DPP6: variants seen among roughly 807,000 people sequenced by gnomAD.
The protein encoded by DPP6 is A-type potassium channel modulatory protein DPP6.
A neutral mutation model predicts 122.6 loss-of-function variants in DPP6; 69 were observed. The observed-to-expected ratio is 0.56, with a 90% confidence interval of 0.46 to 0.69. The LOEUF is 0.69. Among genes scored for constraint, DPP6 ranks in the 30% least tolerant of loss-of-function variants. The pLI, the probability that DPP6 is intolerant of heterozygous loss-of-function variation, is 0.00. For missense variants in DPP6, 928 were observed against 1,116.9 expected (o/e 0.83, Z 2.41); for synonymous variants, 418 against 433.1 (o/e 0.97, Z 0.43).
intron 1 of DPP6, among the ~76,000 whole-genome samples, chr7:154,206,646 A>G (rs955616903): frequency 1.2e-4 from 18 of 152,162 alleles, no homozygotes; most frequent in African/African-American, 3.6e-4. Context: ...CGCTTTCTCA[A>G]TGCATTCTCT....
At chr7:154,416,148 G>A (rs945216364) in intron 1 of DPP6, among the ~76,000 whole-genome samples, 1 of 152,090 alleles carries the variant, frequency 6.6e-6, no homozygotes, top group African/African-American at 2.4e-5. Context: ...GCTCCATCCT[G>A]CTCCGTCCTG....
chr7:154,681,492 C>T (rs1248924174), intron 7 of DPP6, among the ~76,000 whole-genome samples: 2 of 152,144 alleles, frequency 1.3e-5, no homozygotes, highest in Admixed American at 1.3e-4. Flanking sequence ...GATGATGGGG[C>T]GTGGAGCCGC....
intron 1 of DPP6, among the ~76,000 whole-genome samples, chr7:154,119,410 G>A (rs1228271924): frequency 6.6e-6 from 1 of 151,998 alleles, no homozygotes; most frequent in Non-Finnish European, 1.5e-5. Flanking sequence ...TGGCAGAGAG[G>A]AAGACAGGGG....
At chr7:154,539,184 C>T (rs1278276632) in intron 3 of DPP6, among the ~76,000 whole-genome samples, 1 of 152,150 alleles carries the variant, frequency 6.6e-6, no homozygotes, top group Non-Finnish European at 1.5e-5. Flanking sequence ...ATAGTGTTTT[C>T]CTTCTCCCCA....
chr7:154,198,883 T>TA (rs1410058289), intron 1 of DPP6, among the ~76,000 whole-genome samples: 2 of 152,140 alleles, frequency 1.3e-5, no homozygotes, highest in African/African-American at 4.8e-5. Flanking sequence ...CCGGCTGTGT[T>TA]AGTTTCCAGT....
chr7:154,715,955 C>T (rs1289250140), intron 7 of DPP6, among the ~76,000 whole-genome samples: 1 of 152,138 alleles, frequency 6.6e-6, no homozygotes, highest in Non-Finnish European at 1.5e-5. Context: ...TTCTTAGTAA[C>T]CCGTACATTC....
intron 5 of DPP6, among the ~76,000 whole-genome samples, chr7:154,623,096 G>A (rs903889238): frequency 7.2e-5 from 11 of 152,186 alleles, no homozygotes; most frequent in African/African-American, 2.6e-4. Flanking sequence ...TCATCAGTGG[G>A]GTCCACTCTG....
the DPP6 span, among the ~76,000 whole-genome samples, chr7:153,752,553 G>A: frequency 1.3e-5 from 2 of 151,554 alleles, no homozygotes; most frequent in Non-Finnish European, 2.9e-5. Context: ...CCGGCCAACA[G>A]CCTCTTTTTA....
chr7:153,963,676 C>A (rs1194570453), intron 1 of DPP6, among the ~76,000 whole-genome samples: 2 of 152,084 alleles, frequency 1.3e-5, no homozygotes, highest in Non-Finnish European at 2.9e-5. Flanking sequence ...GGAGTGGGAA[C>A]CCTATTGTGA....
At position 154,728,796 on chromosome 7, in the gene DPP6, G is replaced by A. The variant is rs978925270; in HGVS notation, c.883+909G>A. 8.5e-5 allele frequency among the ~76,000 whole-genome samples: 13 copies of A among 152,306 alleles called. 1 individual carries two copies. Among genetic ancestry groups the A allele is most frequent in the African/African-American group, 3.1e-4 (13 of 41,570 alleles). The stretch of plus-strand genomic sequence containing the variant: ...TGGCTGTCTTCTTATGTCCTCACCT[G>A]GCAGAGTAGAGAGAGCTCTGGTCTT... On this transcript the variant is annotated intron_variant, in intron 8 of 25. Coordinates refer to ENST00000377770, the MANE Select transcript of DPP6 (RefSeq NM_130797.4).
intron 1 of DPP6, among the ~76,000 whole-genome samples, chr7:153,979,671 G>A (rs1372350772): frequency 6.6e-6 from 1 of 152,180 alleles, no homozygotes; most frequent in Non-Finnish European, 1.5e-5. Flanking sequence ...GTGTGATATT[G>A]GCTGTGGGTT....
the DPP6 span, among the ~76,000 whole-genome samples, chr7:153,868,018 A>G: frequency 9.9e-5 from 15 of 152,264 alleles, no homozygotes; most frequent in South Asian, 1.5e-3. Flanking sequence ...ATCATGGTGG[A>G]TAAGCTTTTT....
rs184679265 is a variant in DPP6 at position 154,307,452 on chromosome 7, A to G, written c.244-138762A>G. 4.0e-3 allele frequency among the ~76,000 whole-genome samples: 615 copies of G among 152,258 alleles called. 7 individuals carry two copies. Among genetic ancestry groups the G allele is most frequent in the African/African-American group, 0.014 (583 of 41,540 alleles). ...AGCCGCTTTTTCTCCCTCCTCAGAG[A>G]GGTGTCACCTCAACCCTAAAAAATG... is the stretch of plus-strand genomic sequence containing the variant. On this transcript the variant is annotated intron_variant, in intron 1 of 25. Coordinates refer to ENST00000377770, the MANE Select transcript of DPP6 (RefSeq NM_130797.4).
chr7:153,880,405 G>A, the DPP6 span, among the ~76,000 whole-genome samples: 1 of 152,298 alleles, frequency 6.6e-6, no homozygotes, highest in Non-Finnish European at 1.5e-5. Context: ...TAGTTACAAA[G>A]TTTCTGTATA....
chr7:154,171,880 G>A, intron 1 of DPP6, among the ~76,000 whole-genome samples: 1 of 152,116 alleles, frequency 6.6e-6, no homozygotes, highest in East Asian at 1.9e-4. Context: ...ATTCCTGATT[G>A]CAGAGTCTCC....
chr7:154,058,156 C>T (rs1441207037), intron 1 of DPP6: 4 of 147,248 alleles, frequency 2.7e-5, no homozygotes, highest in Admixed American at 1.4e-4. Context: ...GGACCACCAT[C>T]GCAGGGGGGG....
At chr7:154,032,262 G>A (rs1255887263) in intron 1 of DPP6, among the ~76,000 whole-genome samples, 2 of 152,092 alleles carry the variant, frequency 1.3e-5, no homozygotes, top group African/African-American at 2.4e-5. Flanking sequence ...CTGGGACAAG[G>A]ACGTTGCAGG....
chr7:154,519,526 G>A (rs1467606213), intron 3 of DPP6, among the ~76,000 whole-genome samples: 2 of 152,228 alleles, frequency 1.3e-5, no homozygotes, highest in South Asian at 2.1e-4. Context: ...TGGGCAAGTC[G>A]GAAGGAGTAG....
At chr7:154,123,148 C>T (rs1756073858) in intron 1 of DPP6, among the ~76,000 whole-genome samples, 1 of 152,174 alleles carries the variant, frequency 6.6e-6, no homozygotes, top group Non-Finnish European at 1.5e-5. Context: ...AATATGAACT[C>T]CCGCAGACCG....
Sources: allele counts gnomAD v4.1 joint callset (sites outside exome capture counted in the v4.1 genomes callset), GRCh38; gene constraint gnomAD v4.1.1; transcripts MANE v1.5; gene names NCBI Gene and HGNC (gene_info 2026-07-23, HGNC 2026-07-21).